The following SIM1 variants were observed in gnomAD, a reference collection of about 807,000 sequenced individuals.
SIM1 encodes SIM bHLH transcription factor 1.
In SIM1, 18 loss-of-function variants were observed where a neutral mutation model predicts 78.2. The observed-to-expected ratio is 0.23, with a 90% confidence interval of 0.16 to 0.34. SIM1 has a LOEUF of 0.34. Ranked by LOEUF, SIM1 falls within the 10% of genes least tolerant of loss-of-function variation. The pLI is 1.00. For synonymous variants in SIM1, 417 were observed against 385.2 expected (o/e 1.08, Z -0.97); for missense variants, 939 against 975.1 (o/e 0.96, Z 0.49).
At chr6:100,458,666 C>T (rs1772752747) in intron 2 of SIM1, among the ~76,000 whole-genome samples, 1 of 152,198 alleles carries the variant, frequency 6.6e-6, no homozygotes, top group Non-Finnish European at 1.5e-5. Flanking sequence ...GGATGGGACA[C>T]ACCGCGCAGA....
chr6:100,461,522 C>T (rs4839780), intron 2 of SIM1, among the ~76,000 whole-genome samples: 73,040 of 152,070 alleles, frequency 0.48, 17,789 homozygotes, highest in South Asian at 0.65. Flanking sequence ...GATCAAACAG[C>T]GAGCGACATC....
At chr6:100,454,431 TAC>T (rs1261374512) in intron 2 of SIM1, among the ~76,000 whole-genome samples, 4 of 152,192 alleles carry the variant, frequency 2.6e-5, no homozygotes, top group Admixed American at 6.5e-5. Context: ...GCCTGACGTT[TAC>T]CAGCATCCCT....
At chr6:100,427,017 A>G (rs1254641937) in intron 9 of SIM1, 2 of 152,244 alleles carry the variant, frequency 1.3e-5, no homozygotes, top group African/African-American at 4.8e-5. Flanking sequence ...TTAAACCGTG[A>G]TCGGATTAGG....
At chr6:100,453,652 GTTGT>G (rs1241032628) in intron 3 of SIM1, 106 bp downstream of exon 3, 8 of 803,302 alleles carry the variant, frequency 1.0e-5, no homozygotes, top group Non-Finnish European at 1.6e-5. Context: ...TGTGGGGGGG[GTTGT>G]TTGTTTTTTT....
chr6:100,439,130 A>T (rs1772139947), intron 9 of SIM1, among the ~76,000 whole-genome samples: 1 of 152,220 alleles, frequency 6.6e-6, no homozygotes, highest in Admixed American at 6.5e-5. Context: ...AAACATGCTC[A>T]GTTTCAAGAA....
At chr6:100,404,165 C>T (rs1184564289) in intron 10 of SIM1, among the ~76,000 whole-genome samples, 1 of 152,220 alleles carries the variant, frequency 6.6e-6, no homozygotes, top group Non-Finnish European at 1.5e-5. Context: ...ACCACAAGTA[C>T]ACCCATAGAT....
intron 10 of SIM1, among the ~76,000 whole-genome samples, chr6:100,402,127 T>C (rs1242884968): frequency 6.6e-6 from 1 of 152,188 alleles, no homozygotes; most frequent in Non-Finnish European, 1.5e-5. Flanking sequence ...GGTACAGATA[T>C]GTATGTGTCA....
At chr6:100,396,515 A>C (rs1481701523) in intron 10 of SIM1, among the ~76,000 whole-genome samples, 1 of 152,156 alleles carries the variant, frequency 6.6e-6, no homozygotes, top group African/African-American at 2.4e-5. Context: ...TTGAAGGATA[A>C]GCCTCTTGTC....
At chr6:100,447,215 G>T (rs1669415665) in intron 9 of SIM1, 53 bp downstream of exon 9, 1 of 1,579,940 alleles carries the variant, frequency 6.3e-7, no homozygotes, top group African/African-American at 1.3e-5. Context: ...CCGCACTCTC[G>T]CAGAGAGCAG....
chr6:100,418,487 C>T (rs1771471242), intron 10 of SIM1, among the ~76,000 whole-genome samples: 1 of 152,098 alleles, frequency 6.6e-6, no homozygotes, highest in Admixed American at 6.5e-5. Flanking sequence ...TAACTCCTTT[C>T]TGCCCACCCT....
At chr6:100,438,373 C>T (rs1772113981) in intron 9 of SIM1, among the ~76,000 whole-genome samples, 1 of 152,170 alleles carries the variant, frequency 6.6e-6, no homozygotes, top group South Asian at 2.1e-4. Context: ...CTCAACATTA[C>T]TAATCATCAG....
At chr6:100,435,541 A>G (rs1772021596) in intron 9 of SIM1, among the ~76,000 whole-genome samples, 1 of 152,174 alleles carries the variant, frequency 6.6e-6, no homozygotes, top group South Asian at 2.1e-4. Flanking sequence ...CTAAGCATGC[A>G]ATGAACAAAA....
chr6:100,449,757 GAAAGAT>G, intron 4 of SIM1, 58 bp from the exon 5 acceptor site: 2 of 1,401,062 alleles, frequency 1.4e-6, no homozygotes, highest in Non-Finnish European at 2.0e-6. Flanking sequence ...TGAAGGGACT[GAAAGAT>G]TAGGCCAGGG....
chr6:100,401,967 C>G (rs1281769468), intron 10 of SIM1, among the ~76,000 whole-genome samples: 2 of 152,146 alleles, frequency 1.3e-5, no homozygotes, highest in Non-Finnish European at 2.9e-5. Context: ...TGGGCGTATC[C>G]TCATCTACTG....
intron 10 of SIM1, among the ~76,000 whole-genome samples, chr6:100,416,171 T>C (rs969032914): frequency 1.3e-5 from 2 of 151,198 alleles, no homozygotes; most frequent in Admixed American, 1.3e-4. Flanking sequence ...CAGCCAGAAG[T>C]CCCTCTCAGG....
intron 8 of SIM1, 99 bp from the exon 9 acceptor site, chr6:100,447,514 C>T: frequency 2.3e-6 from 3 of 1,323,594 alleles, no homozygotes; most frequent in East Asian, 2.4e-5. Flanking sequence ...TCCCTGTGGG[C>T]CCTAATAACT....
rs563953434 is a variant in SIM1, at chr6:100,414,038, G to C, written c.1167+6752C>G. Among the ~76,000 whole-genome samples the C allele has an allele frequency of 7.9e-5, 12 of 152,332 alleles. 1 individual carries two copies. Among genetic ancestry groups the C allele is most frequent in the African/African-American group, 2.9e-4 (12 of 41,574 alleles). Reference sequence around the variant, plus strand: ...CACTCTGGTTCCTCCTGAGACCCAGGATAGAAAAACAGGATAGTGACAAAT... The same window carrying C: ...CACTCTGGTTCCTCCTGAGACCCAGCATAGAAAAACAGGATAGTGACAAAT... On this transcript the variant is annotated intron_variant, in intron 10 of 11. Transcript: ENST00000369208.
In SIM1 at chr6:100,448,704, A is replaced by T. The variant is rs775289161; in HGVS notation, c.544-26T>A. On this transcript the variant is annotated intron_variant, in intron 6 of 11. Transcript: ENST00000369208. ...CTGAGGCAGAGGGATAGGGAGGGAG[A>T]CTCAGCCACAGGTAGGAAGAGCCCC... The T allele has an allele frequency of 3.1e-6, 5 of 1,594,544 alleles. No homozygotes were observed. In the Admixed American group the frequency reaches 8.4e-5, roughly 27 times the overall value.
chr6:100,450,696 T>TCTCA (rs1421452803), intron 3 of SIM1, among the ~76,000 whole-genome samples: 77 of 91,926 alleles, frequency 8.4e-4, no homozygotes, highest in East Asian at 1.4e-3. Flanking sequence ...TCTCTCTCTC[T>TCTCA]CACACACACA....
Sources: allele counts gnomAD v4.1 joint callset (sites outside exome capture counted in the v4.1 genomes callset), GRCh38; gene constraint gnomAD v4.1.1; transcripts MANE v1.5; gene names NCBI Gene and HGNC (gene_info 2026-07-23, HGNC 2026-07-21).